Variants in ADAMTSL3 observed in about 807,000 individuals in gnomAD.
The protein encoded by ADAMTSL3 is ADAMTS like 3, also known as ADAMTS-like protein 3.
Under a neutral mutation model 201.7 loss-of-function variants are expected in ADAMTSL3, and 128 were observed. The ratio of observed to expected loss-of-function variants is 0.63; its 90% CI spans 0.55 to 0.73. The LOEUF (loss-of-function observed/expected upper bound fraction) is 0.73. ADAMTSL3 is among the 30% of genes least tolerant of loss of function. ADAMTSL3 has a pLI of 0.00. For synonymous variants in ADAMTSL3, 738 were observed against 748.4 expected (o/e 0.99, Z 0.23); for missense variants, 1,990 against 2,119.6 (o/e 0.94, Z 1.20).
intron 3 of ADAMTSL3, among the ~76,000 whole-genome samples, chr15:83,751,865 A>G (rs116787740): frequency 0.025 from 3,774 of 152,226 alleles, 150 homozygotes; most frequent in African/African-American, 0.086. Context: ...TCCACCAACA[A>G]TAGTTTGGGG....
At chr15:83,952,758 A>T (rs927675224) in intron 19 of ADAMTSL3, among the ~76,000 whole-genome samples, 36 of 151,240 alleles carry the variant, frequency 2.4e-4, no homozygotes, top group African/African-American at 8.3e-4. Context: ...GTGAGCCAAG[A>T]TCGTGCCACT....
chr15:83,968,607 T>C lies in ADAMTSL3; in HGVS notation c.2491-1877T>C, dbSNP rs144633386. ...ACCATTGTGGAAGTCAGTGTGGCAA[T>C]TCCTCAAGGATCTAGAATCAGAAAT... On this transcript the variant is annotated intron_variant, in intron 19 of 29. Coordinates refer to ENST00000286744, the MANE Select transcript of ADAMTSL3 (RefSeq NM_207517.3). 3.6e-3 allele frequency among the ~76,000 whole-genome samples: 547 copies of C among 152,344 alleles called. 2 individuals carry two copies. Among genetic ancestry groups the C allele is most frequent in the African/African-American group, 0.013 (530 of 41,584 alleles).
At chr15:83,720,327 G>GA (rs900290581) in intron 3 of ADAMTSL3, among the ~76,000 whole-genome samples, 2 of 152,020 alleles carry the variant, frequency 1.3e-5, no homozygotes, top group African/African-American at 4.8e-5. Flanking sequence ...AAATTCACTA[G>GA]AAAAAATTAA....
At chr15:83,920,884 G>T (rs1319071202) in intron 16 of ADAMTSL3, among the ~76,000 whole-genome samples, 1 of 152,046 alleles carries the variant, frequency 6.6e-6, no homozygotes, top group Non-Finnish European at 1.5e-5. Flanking sequence ...TCCTGTTTTT[G>T]GGATTGAGGG....
At chr15:84,007,404 C>G (rs921044990) in intron 23 of ADAMTSL3, among the ~76,000 whole-genome samples, 2 of 152,144 alleles carry the variant, frequency 1.3e-5, no homozygotes, top group African/African-American at 4.8e-5. Flanking sequence ...AGAATCCACC[C>G]CTTAGCCAGG....
rs976675095 is a variant in ADAMTSL3 at position 83,882,741 on chromosome 15, G to C, written c.961-2360G>C. ...TTGTCCCTCACCACTTTGAGGACTT[G>C]ACTTTGTTTTCTTGAATCCAATATT... On this transcript the variant is annotated intron_variant, in intron 9 of 29. Coordinates refer to ENST00000286744, the MANE Select transcript of ADAMTSL3 (RefSeq NM_207517.3). Among the ~76,000 whole-genome samples, 29 of 152,118 alleles carry C rather than the reference G, an allele frequency of 1.9e-4. 1 individual carries two copies. Among genetic ancestry groups the C allele is most frequent in the Admixed American group, 1.5e-3 (23 of 15,282 alleles).
At chr15:83,829,058 A>G (rs932573982) in intron 6 of ADAMTSL3, among the ~76,000 whole-genome samples, 40 of 152,200 alleles carry the variant, frequency 2.6e-4, no homozygotes, top group African/African-American at 9.6e-4. Flanking sequence ...GTTAGGGAGG[A>G]TTCCCTCTTT....
intron 3 of ADAMTSL3, among the ~76,000 whole-genome samples, chr15:83,732,635 A>G (rs2062299060): frequency 6.6e-6 from 1 of 152,136 alleles, no homozygotes; most frequent in Non-Finnish European, 1.5e-5. Flanking sequence ...TATATAAACA[A>G]TATTCAGCTC....
chr15:83,956,729 C>T (rs1265796085), intron 19 of ADAMTSL3, among the ~76,000 whole-genome samples: 1 of 152,078 alleles, frequency 6.6e-6, no homozygotes, highest in African/African-American at 2.4e-5. Context: ...ATTTTCCTGA[C>T]CCAAAGTAAC....
At chr15:83,744,321 A>G (rs1010757125) in intron 3 of ADAMTSL3, among the ~76,000 whole-genome samples, 2 of 152,242 alleles carry the variant, frequency 1.3e-5, no homozygotes, top group East Asian at 3.9e-4. Flanking sequence ...ATTTTTTTCT[A>G]ATTTACATAC....
rs761445175 is a variant in ADAMTSL3 at position 83,891,379 on chromosome 15, G to A, written c.1262G>A (p.Arg421His). Residue 421 changes from arginine (R) to histidine (H), a missense_variant and splice_region_variant, in exon 12 of 30, where the codon CGC (arginine) becomes CAC (histidine). By Grantham distance (29) the Arg-to-His change is conservative. Transcript: ENST00000286744. ...MPYDHFQPLP[R>H]WEHNPWTACS... ...TATGACCACTTCCAACCTCTTCCTC[G>A]GTGAGTTATATGTTTCCTTTTCCTT... 5.0e-6 allele frequency: 8 copies of A among 1,612,130 alleles called. No individual in the cohort carries two copies. Among genetic ancestry groups the A allele is most frequent in the South Asian group, 1.1e-5 (1 of 91,020 alleles).
intron 23 of ADAMTSL3, among the ~76,000 whole-genome samples, chr15:83,994,762 ATTT>A (rs58549986): frequency 2.9e-4 from 33 of 112,436 alleles, no homozygotes; most frequent in African/African-American, 5.1e-4. Flanking sequence ...ATGCCTGGCT[ATTT>A]TTTTTTTTTT....
At chr15:83,826,172 T>A (rs2141940774) in intron 6 of ADAMTSL3, among the ~76,000 whole-genome samples, 1 of 152,244 alleles carries the variant, frequency 6.6e-6, no homozygotes, top group East Asian at 1.9e-4. Flanking sequence ...ATGGTGTGGT[T>A]ACAGCTCACT....
intron 2 of ADAMTSL3, among the ~76,000 whole-genome samples, chr15:83,675,586 CTT>C (rs77339448): frequency 2.4e-5 from 3 of 126,022 alleles, no homozygotes; most frequent in Admixed American, 7.9e-5. Flanking sequence ...GTGCTGTTTT[CTT>C]TTTTTTTTTT....
intron 5 of ADAMTSL3, 50 bp from the exon 6 acceptor site, chr15:83,819,761 G>T: frequency 7.0e-7 from 1 of 1,430,460 alleles, no homozygotes; most frequent in Non-Finnish European, 9.8e-7. Flanking sequence ...ATCTTCTCTT[G>T]GCCTCTCTCA....
chr15:84,011,389 C>T (rs2068003475), intron 23 of ADAMTSL3, among the ~76,000 whole-genome samples: 1 of 152,146 alleles, frequency 6.6e-6, no homozygotes, highest in African/African-American at 2.4e-5. Context: ...TCTTAGACCA[C>T]TGGGGCTGCT....
At chr15:83,655,124 T>G (rs1488406218) in intron 1 of ADAMTSL3, among the ~76,000 whole-genome samples, 2 of 152,108 alleles carry the variant, frequency 1.3e-5, no homozygotes, top group Non-Finnish European at 2.9e-5. Flanking sequence ...CACCTACTTT[T>G]AGGAGATTGT....
At position 83,671,559 on chromosome 15, in the gene ADAMTSL3, G is replaced by C. The variant is rs2061329666; in HGVS notation, c.69+15729G>C. Reference sequence around the variant, plus strand: ...ATTTAGTCTCATTTTTTGAAATGTTGTAAGGTGCTCAATTTTATGTGTATC... The same window carrying C: ...ATTTAGTCTCATTTTTTGAAATGTTCTAAGGTGCTCAATTTTATGTGTATC... On this transcript the variant is annotated intron_variant, in intron 2 of 29. Transcript: ENST00000286744. Among the ~76,000 whole-genome samples, 3 of 152,088 alleles carry C rather than the reference G, an allele frequency of 2.0e-5. No homozygotes were observed. The South Asian group carries it at 6.2e-4, about 31-fold the overall frequency.
At chr15:83,794,083 AG>A (rs1367425572) in intron 4 of ADAMTSL3, among the ~76,000 whole-genome samples, 6 of 152,244 alleles carry the variant, frequency 3.9e-5, no homozygotes, top group Non-Finnish European at 7.3e-5. Flanking sequence ...CTGGCTATTA[AG>A]GAAATGCAAA....
Sources: gnomAD v4.1 joint callset for allele counts (sites outside exome capture counted in the v4.1 genomes callset) on GRCh38, gnomAD v4.1.1 for gene constraint, MANE v1.5 for transcripts, NCBI Gene and HGNC (gene_info 2026-07-23, HGNC 2026-07-21) for gene names.